The following ELMO1 variants were observed in gnomAD, a reference collection of about 807,000 sequenced individuals.
ELMO1 encodes engulfment and cell motility protein 1.
A neutral mutation model predicts 98.9 loss-of-function variants in ELMO1; 26 were observed. The ratio of observed to expected loss-of-function variants is 0.26; its 90% CI spans 0.19 to 0.36. The LOEUF is 0.36. ELMO1 is among the 10% of genes least tolerant of loss of function. ELMO1 has a pLI of 1.00. For missense variants in ELMO1, 627 were observed against 935.2 expected (o/e 0.67, Z 4.30); for synonymous variants, 346 against 346.0 (o/e 1.00, Z 0.00).
At chr7:37,115,777 A>C (rs1197675126) in intron 14 of ELMO1, among the ~76,000 whole-genome samples, 1 of 151,876 alleles carries the variant, frequency 6.6e-6, no homozygotes, top group Admixed American at 6.6e-5. Context: ...GGGTGTACAG[A>C]CTGGGAAGGA....
chr7:37,282,717 C>A (rs777952635), intron 4 of ELMO1, among the ~76,000 whole-genome samples: 14 of 152,242 alleles, frequency 9.2e-5, no homozygotes, highest in Non-Finnish European at 1.2e-4. Flanking sequence ...TTCCCCATAA[C>A]TGAGGCTCTA....
intron 1 of ELMO1, among the ~76,000 whole-genome samples, chr7:37,385,634 A>G (rs141650036): frequency 5.9e-4 from 90 of 152,358 alleles, no homozygotes; most frequent in African/African-American, 2.1e-3. Context: ...TGAATAGAAA[A>G]GAAGCTTCAT....
chr7:37,231,332 C>A (rs199753678), intron 8 of ELMO1, among the ~76,000 whole-genome samples: 26 of 144,576 alleles, frequency 1.8e-4, no homozygotes, highest in Admixed American at 1.4e-4. Context: ...TGATTAATTT[C>A]AAAAAAAAAA....
chr7:37,233,225 G>A (rs755879633), intron 7 of ELMO1, 31 bp from the exon 8 acceptor site: 16 of 1,589,870 alleles, frequency 1.0e-5, no homozygotes, highest in Non-Finnish European at 8.6e-7. Context: ...CAAGAGTCAA[G>A]AGCCCCAAAG....
At chr7:37,120,304 G>C (rs1008328285) in intron 14 of ELMO1, among the ~76,000 whole-genome samples, 5 of 152,252 alleles carry the variant, frequency 3.3e-5, no homozygotes, top group African/African-American at 1.2e-4. Context: ...AGCGCACCAA[G>C]CGTGACCCGA....
chr7:37,131,595 A>T (rs924449939), intron 14 of ELMO1, among the ~76,000 whole-genome samples: 4 of 152,208 alleles, frequency 2.6e-5, no homozygotes, highest in African/African-American at 9.6e-5. Flanking sequence ...TCAACTCTCC[A>T]AGGCTATACT....
chr7:37,151,646 A>T (rs896754688), intron 13 of ELMO1, among the ~76,000 whole-genome samples: 9 of 152,190 alleles, frequency 5.9e-5, no homozygotes, highest in Admixed American at 5.9e-4. Context: ...AAAGTTTCTG[A>T]CAGGAGATGG....
At chr7:37,179,891 C>CA (rs1193152379) in intron 13 of ELMO1, among the ~76,000 whole-genome samples, 1 of 152,166 alleles carries the variant, frequency 6.6e-6, no homozygotes, top group Non-Finnish European at 1.5e-5. Context: ...TCCTTCTAGG[C>CA]AAAGTGTGCA....
At chr7:37,304,759 G>A (rs1217220506) in intron 4 of ELMO1, among the ~76,000 whole-genome samples, 1 of 152,074 alleles carries the variant, frequency 6.6e-6, no homozygotes, top group African/African-American at 2.4e-5. Flanking sequence ...CTTGGTTCAC[G>A]ATTTCTGTGT....
intron 1 of ELMO1, among the ~76,000 whole-genome samples, chr7:37,386,442 T>C (rs774031223): frequency 6.6e-6 from 1 of 151,942 alleles, no homozygotes; most frequent in Admixed American, 6.5e-5. Flanking sequence ...TCACTGCCCT[T>C]GTACAGAGCC....
intron 15 of ELMO1, among the ~76,000 whole-genome samples, chr7:37,072,068 T>G (rs1391713925): frequency 1.3e-5 from 2 of 152,194 alleles, no homozygotes; most frequent in Admixed American, 6.5e-5. Context: ...AAAAATAATC[T>G]AAAACTTACA....
rs1246378567 is a variant in ELMO1, at chr7:36,942,801, A to G, written c.1438-47784T>C. 3.3e-5 allele frequency among the ~76,000 whole-genome samples: 5 copies of G among 152,224 alleles called. No homozygotes were observed. In the South Asian group the frequency reaches 6.2e-4, roughly 19 times the overall value. ...ATTTTTTAGGCTCTGTAAAAAATCTACACTTATAATGAACACTTCCCAAGA... is the reference window on the plus strand; with the variant it reads ...ATTTTTTAGGCTCTGTAAAAAATCTGCACTTATAATGAACACTTCCCAAGA... On this transcript the variant is annotated intron_variant, in intron 16 of 21. Coordinates refer to ENST00000310758, the MANE Select transcript of ELMO1 (RefSeq NM_014800.11).
chr7:36,964,116 A>C (rs1366242870), intron 16 of ELMO1, among the ~76,000 whole-genome samples: 1 of 152,230 alleles, frequency 6.6e-6, no homozygotes, highest in Non-Finnish European at 1.5e-5. Context: ...CTAGAGTGCC[A>C]ATAGTTTTTG....
chr7:37,325,046 T>C (rs1583552818), intron 2 of ELMO1, among the ~76,000 whole-genome samples: 2 of 152,196 alleles, frequency 1.3e-5, no homozygotes, highest in Admixed American at 1.3e-4. Context: ...GGGCATTACA[T>C]AACGTTATCT....
At chr7:37,433,407 A>G (rs988532995) in intron 1 of ELMO1, among the ~76,000 whole-genome samples, 1 of 152,300 alleles carries the variant, frequency 6.6e-6, no homozygotes, top group African/African-American at 2.4e-5. Flanking sequence ...CAAGGAGCAA[A>G]TGCTAGAAGT....
intron 16 of ELMO1, among the ~76,000 whole-genome samples, chr7:36,912,839 A>G (rs1487041210): frequency 1.3e-5 from 2 of 152,362 alleles, no homozygotes; most frequent in African/African-American, 4.8e-5. Flanking sequence ...ATTAGATAAC[A>G]TAAGTGAAAG....
At chr7:37,161,905 A>AATAT (rs6150082) in intron 13 of ELMO1, among the ~76,000 whole-genome samples, 2,145 of 42,332 alleles carry the variant, frequency 0.051, 287 homozygotes, top group Middle Eastern at 0.23. Flanking sequence ...CAGGTAATCA[A>AATAT]ATATATATAT....
intron 1 of ELMO1, among the ~76,000 whole-genome samples, chr7:37,424,225 A>T (rs1583737232): frequency 6.6e-6 from 1 of 152,232 alleles, no homozygotes; most frequent in South Asian, 2.1e-4. Flanking sequence ...GATCTTCTTT[A>T]CCTTTTCCTG....
chr7:37,095,118 G>A (rs1401492585), intron 15 of ELMO1, among the ~76,000 whole-genome samples: 1 of 152,152 alleles, frequency 6.6e-6, no homozygotes, highest in Non-Finnish European at 1.5e-5. Flanking sequence ...AGACAACCAA[G>A]GGCAGTGCAG....
Sources: gnomAD v4.1 joint callset for allele counts (sites outside exome capture counted in the v4.1 genomes callset) on GRCh38, gnomAD v4.1.1 for gene constraint, MANE v1.5 for transcripts, NCBI Gene and HGNC (gene_info 2026-07-23, HGNC 2026-07-21) for gene names.